Variants in EDEM1 observed in about 807,000 individuals in gnomAD.
EDEM1 encodes the protein ER degradation enhancing alpha-mannosidase like protein 1.
Under a neutral mutation model 74.4 loss-of-function variants are expected in EDEM1, and 67 were observed. The ratio of observed to expected loss-of-function variants is 0.90; its 90% CI spans 0.74 to 1.10. The LOEUF (loss-of-function observed/expected upper bound fraction) is 1.10. Ranked by LOEUF, EDEM1 falls within the 50% of genes least tolerant of loss-of-function variation. The pLI, the probability that EDEM1 is intolerant of heterozygous loss-of-function variation, is 0.00. For missense variants in EDEM1, 926 were observed against 851.6 expected (o/e 1.09, Z -1.09); for synonymous variants, 382 against 335.9 (o/e 1.14, Z -1.50).
chr3:5,207,215 G>T lies in EDEM1; in HGVS notation c.1280G>T (p.Ser427Ile). 6.2e-7 allele frequency: 1 copy of T among 1,614,216 alleles called. No individual in the cohort carries two copies. The highest frequency in any genetic ancestry group is 8.5e-7 in the Non-Finnish European group (1 of 1,180,034). ...CTCTATGTCAACGTGAACATGTTCAGTGGGCAGCTGATGAACACCTGGATT... is the reference window on the plus strand; with the variant it reads ...CTCTATGTCAACGTGAACATGTTCATTGGGCAGCTGATGAACACCTGGATT... The part of the protein sequence containing the change: ...PPLYVNVNMF[S>I]GQLMNTWIDS... Residue 427 changes from serine (S) to isoleucine (I), a missense_variant, in exon 7 of 12, where the codon AGT becomes ATT. Ser to Ile is a moderately radical substitution (Grantham distance 142). Transcript: ENST00000256497.
chr3:5,193,557 A>AGCTC, intron 1 of EDEM1, among the ~76,000 whole-genome samples: 1 of 152,268 alleles, frequency 6.6e-6, no homozygotes, highest in South Asian at 2.1e-4. Flanking sequence ...TTCCTAGACT[A>AGCTC]TAGCCCCCAT....
intron 11 of EDEM1, among the ~76,000 whole-genome samples, chr3:5,213,732 G>T (rs1019103262): frequency 6.6e-6 from 1 of 152,218 alleles, no homozygotes; most frequent in Non-Finnish European, 1.5e-5. Flanking sequence ...CTGGCTGCAG[G>T]TGCTGGTGGG....
At chr3:5,193,864 C>T (rs2054931499) in intron 1 of EDEM1, among the ~76,000 whole-genome samples, 1 of 152,214 alleles carries the variant, frequency 6.6e-6, no homozygotes, top group East Asian at 1.9e-4. Context: ...TCCCAAAGTG[C>T]TGGGATTACA....
At chr3:5,204,402 C>T (rs2055070779) in intron 5 of EDEM1, among the ~76,000 whole-genome samples, 1 of 150,780 alleles carries the variant, frequency 6.6e-6, no homozygotes, top group African/African-American at 2.4e-5. Flanking sequence ...GAGACAGGGT[C>T]TCCCTCCATC....
In EDEM1 at chr3:5,201,861, T is replaced by C. The variant is rs367938835; in HGVS notation, c.795T>C (p.His265=). The change falls in exon 4 of 12, where the codon CAT becomes CAC. Residue 265 remains histidine, a synonymous_variant. Coordinates refer to ENST00000256497, the MANE Select transcript of EDEM1 (RefSeq NM_014674.3). The stretch of plus-strand genomic sequence containing the variant: ...ATAATGAGTTGTTATACATGGCCCA[T>C]GACCTGGCGGTGCGGCTCCTCCCTG... ...DYDNELLYMA[H]DLAVRLLPAF... is the part of the protein sequence containing the mutation. 17 of 1,614,126 alleles carry C rather than the reference T, an allele frequency of 1.1e-5. No individual in the cohort carries two copies. In the African/African-American group the frequency reaches 2.3e-4, roughly 22 times the overall value.
chr3:5,211,360 C>G, intron 10 of EDEM1, 144 bp downstream of exon 10: 2 of 739,370 alleles, frequency 2.7e-6, no homozygotes, highest in Non-Finnish European at 4.5e-6. Context: ...CTGTCAGAAC[C>G]AAAGGATATT....
rs757063045 is a variant in EDEM1 at position 5,213,389 on chromosome 3, T to C, written c.1751T>C (p.Val584Ala). 2.5e-6 allele frequency: 4 copies of C among 1,614,156 alleles called. No individual in the cohort carries two copies. Among genetic ancestry groups the C allele is most frequent in the Non-Finnish European group, 3.4e-6 (4 of 1,180,010 alleles). Residue 584 changes from valine (V) to alanine (A), a missense_variant, in exon 11 of 12, where the codon GTA becomes GCA. Physicochemically the swap from Val to Ala is moderately conservative, Grantham distance 64. Transcript: ENST00000256497. ...RYMFTTEGHI[V>A]SVDEHLRELP... is the part of the protein sequence containing the mutation. ...ATGTTCACAACAGAGGGACACATTGTATCTGTGGATGAGCATCTTCGGGAA... is the reference window on the plus strand; with the variant it reads ...ATGTTCACAACAGAGGGACACATTGCATCTGTGGATGAGCATCTTCGGGAA...
chr3:5,214,164 G>A lies in EDEM1; in HGVS notation c.1884+642G>A, dbSNP rs369079283. ...CAGCAGGAAAAATTTGGAAATGGAA[G>A]TCCTTGCATCCCTAGTGAAAGTATC... On this transcript the variant is annotated intron_variant, in intron 11 of 11. Transcript: ENST00000256497. Among the ~76,000 whole-genome samples, 179 of 152,314 alleles carry A rather than the reference G, an allele frequency of 1.2e-3. 1 individual carries two copies. Among genetic ancestry groups the A allele is most frequent in the African/African-American group, 4.2e-3 (173 of 41,570 alleles).
intron 3 of EDEM1, 80 bp from the exon 4 acceptor site, chr3:5,201,673 T>A: frequency 1.9e-6 from 3 of 1,552,196 alleles, no homozygotes; most frequent in Non-Finnish European, 2.7e-6. Flanking sequence ...GATATGAACA[T>A]ACTTCTATCT....
rs1488443916 is a variant in EDEM1 at position 5,218,694 on chromosome 3, A to G, written c.*2776A>G. On this transcript the variant is annotated 3_prime_UTR_variant, in exon 12 of 12. Transcript: ENST00000256497. Reference sequence around the variant, plus strand: ...GACAAAGCATAATTCTCTCATAACAAACTTTCAAATCATTACAGTAGCTTA... The same window carrying G: ...GACAAAGCATAATTCTCTCATAACAGACTTTCAAATCATTACAGTAGCTTA... 8 of 152,044 alleles carry G rather than the reference A, an allele frequency of 5.3e-5. No individual in the cohort carries two copies. The highest frequency in any genetic ancestry group is 5.2e-4 in the Admixed American group (8 of 15,262). 9.4% of individuals were successfully genotyped at this position (152,044 alleles called of 1,614,324 possible). A position where few individuals can be genotyped will look rare whatever the true frequency, so the allele number is the denominator to read the frequency against.
chr3:5,218,846 T>G lies in EDEM1; in HGVS notation c.*2928T>G, dbSNP rs1176333119. ...CTTCTGTATTCAAATCTTTCCTTCA[T>G]TTTTTTAAATTTTTTTTTTGGCAGC... On this transcript the variant is annotated 3_prime_UTR_variant, in exon 12 of 12. Transcript: ENST00000256497. 6.6e-6 allele frequency: 1 copy of G among 152,162 alleles called. No homozygotes were observed. The highest frequency in any genetic ancestry group is 6.5e-5 in the Admixed American group (1 of 15,276). The allele number at this position is 152,162 out of a possible 1,614,324, so 9.4% of individuals were successfully genotyped here.
rs1295303546 is a variant in EDEM1, at chr3:5,215,858, C to T, written c.1914C>T (p.Tyr638=). 1.9e-6 allele frequency: 3 copies of T among 1,612,876 alleles called. No homozygotes were observed. The highest frequency in any genetic ancestry group is 1.1e-5 in the South Asian group (1 of 90,750). ...NCNRVPDERR[Y]SLPLKSIYMR... is the part of the protein sequence containing the mutation. ...ATCGTGTACCTGATGAGAGGAGGTA[C>T]TCCCTGCCCTTAAAGAGCATCTACA... Residue 638 remains tyrosine (Y), a synonymous_variant, in exon 12 of 12, where the codon TAC becomes TAT. Transcript: ENST00000256497.
chr3:5,205,586 A>G (rs111993809), intron 6 of EDEM1, among the ~76,000 whole-genome samples: 2,293 of 152,308 alleles, frequency 0.015, 59 homozygotes, highest in African/African-American at 0.052. Context: ...GCTAAGGCCC[A>G]ATGGTGCTGG....
intron 1 of EDEM1, among the ~76,000 whole-genome samples, chr3:5,191,213 T>A (rs1390210537): frequency 6.6e-6 from 1 of 151,868 alleles, no homozygotes; most frequent in Non-Finnish European, 1.5e-5. Flanking sequence ...GTAATAAAAA[T>A]TTTTCATATT....
intron 7 of EDEM1, 21 bp from the exon 8 acceptor site, chr3:5,208,072 T>G: frequency 6.4e-7 from 1 of 1,572,728 alleles, no homozygotes; most frequent in Non-Finnish European, 8.6e-7. Flanking sequence ...CTCAGCCTGA[T>G]GACCTGTGTC....
chr3:5,200,229 G>A (rs2055018112), intron 3 of EDEM1, among the ~76,000 whole-genome samples: 2 of 152,110 alleles, frequency 1.3e-5, no homozygotes, highest in Admixed American at 6.5e-5. Context: ...ACCATGCCTG[G>A]GTACATTTAT....
rs1290684960 is a variant in EDEM1 at position 5,213,321 on chromosome 3, G to A, written c.1683G>A (p.Leu561=). Residue 561 remains leucine (L), a splice_region_variant and synonymous_variant, in exon 11 of 12, where the codon CTG becomes CTA. Coordinates refer to ENST00000256497, the MANE Select transcript of EDEM1 (RefSeq NM_014674.3). ...LSETCKYLYL[L]FDEDNPVHKS... ...ATCTTTTTCTCCGTTCCCTCTAGCT[G>A]TTTGATGAAGACAATCCAGTACACA... 1.5e-5 allele frequency: 24 copies of A among 1,612,692 alleles called. No homozygotes were observed. Among genetic ancestry groups the A allele is most frequent in the Non-Finnish European group, 2.0e-5 (24 of 1,179,374 alleles).
intron 2 of EDEM1, among the ~76,000 whole-genome samples, chr3:5,198,487 T>G (rs1162002558): frequency 6.6e-6 from 1 of 152,160 alleles, no homozygotes; most frequent in Non-Finnish European, 1.5e-5. Flanking sequence ...CAATCAGATA[T>G]GCATTTTTCT....
In EDEM1 at chr3:5,207,154, C is replaced by A. The variant is rs757450768; in HGVS notation, c.1219C>A (p.Arg407=). Residue 407 remains arginine, a splice_region_variant and synonymous_variant, in exon 7 of 12, where the codon CGG becomes AGG. Transcript: ENST00000256497. ...QSIQNYLRRG[R]EACNEGEGDP... ...TGAATGTGCTGCTTGGGTTTGCAGGCGGGAAGCCTGCAATGAAGGAGAAGG... is the reference window on the plus strand; with the variant it reads ...TGAATGTGCTGCTTGGGTTTGCAGGAGGGAAGCCTGCAATGAAGGAGAAGG... 4 of 1,613,774 alleles carry A rather than the reference C, an allele frequency of 2.5e-6. No homozygotes were observed. The highest frequency in any genetic ancestry group is 3.4e-6 in the Non-Finnish European group (4 of 1,179,890).
Sources: allele counts gnomAD v4.1 joint callset (sites outside exome capture counted in the v4.1 genomes callset), GRCh38; gene constraint gnomAD v4.1.1; transcripts MANE v1.5; gene names NCBI Gene and HGNC (gene_info 2026-07-23, HGNC 2026-07-21).